Variants in ENAH observed in about 807,000 individuals in gnomAD.
The protein encoded by ENAH is ENAH actin regulator.
Under a neutral mutation model 78.7 loss-of-function variants are expected in ENAH, and 23 were observed. That is an observed-to-expected ratio of 0.29 (90% CI 0.21 to 0.41). ENAH has a LOEUF of 0.41. Ranked by LOEUF, ENAH falls within the 10% of genes least tolerant of loss-of-function variation. The probability of loss-of-function intolerance (pLI) is 1.00; values close to 1 mark genes in which losing one functional copy is unlikely to be tolerated. For missense variants in ENAH, 544 were observed against 691.0 expected (o/e 0.79, Z 2.39); for synonymous variants, 226 against 241.0 (o/e 0.94, Z 0.58).
At chr1:225,553,382 C>T (rs2096651007) in intron 3 of ENAH, among the ~76,000 whole-genome samples, 1 of 152,012 alleles carries the variant, frequency 6.6e-6, no homozygotes, top group African/African-American at 2.4e-5. Context: ...AAAAAAGGAA[C>T]ATTTAGTTTC....
At chr1:225,572,019 C>T (rs1421766965) in intron 1 of ENAH, among the ~76,000 whole-genome samples, 1 of 152,124 alleles carries the variant, frequency 6.6e-6, no homozygotes, top group Non-Finnish European at 1.5e-5. Flanking sequence ...TCAGGAACCT[C>T]AGTATTTGCA....
intron 1 of ENAH, among the ~76,000 whole-genome samples, chr1:225,580,912 C>CAAAAAAAAAAAAAAAA (rs78529288): frequency 1.6e-5 from 1 of 63,868 alleles, no homozygotes; most frequent in African/African-American, 5.5e-5. Flanking sequence ...AGAAAAAAAC[C>CAAAAAAAAAAAAAAAA]AAAAAAAAAA....
chr1:225,625,347 T>A lies in ENAH; in HGVS notation c.5+27339A>T, dbSNP rs188002223. ...AATTTTTAAAAAACTGCTCAGAGAC[T>A]TTGCAAGAAATGAGATGTTGTCTTA... On this transcript the variant is annotated intron_variant, in intron 1 of 13. Transcript: ENST00000366843. Among the ~76,000 whole-genome samples, 10 of 152,296 alleles carry A rather than the reference T, an allele frequency of 6.6e-5. No individual in the cohort carries two copies. In the East Asian group the frequency reaches 1.9e-3, roughly 29 times the overall value.
At chr1:225,584,804 C>T (rs1055182668) in intron 1 of ENAH, among the ~76,000 whole-genome samples, 3 of 152,138 alleles carry the variant, frequency 2.0e-5, no homozygotes, top group Non-Finnish European at 4.4e-5. Context: ...AGAATTGACA[C>T]ATTAGTATCA....
rs1393345767 is a variant in ENAH at position 225,495,766 on chromosome 1, A to G, written c.*2009T>C. ...TGCCTCCTATTTCTTTTAGAAAATAATACTTAATAAGCTTGCTGCATCTTT... is the reference window on the plus strand; with the variant it reads ...TGCCTCCTATTTCTTTTAGAAAATAGTACTTAATAAGCTTGCTGCATCTTT... On this transcript the variant is annotated 3_prime_UTR_variant, in exon 14 of 14. Coordinates refer to ENST00000366843, the MANE Select transcript of ENAH (RefSeq NM_018212.6). 1 of 152,592 alleles carries G rather than the reference A, an allele frequency of 6.6e-6. No homozygotes were observed. Among genetic ancestry groups the G allele is most frequent in the Non-Finnish European group, 1.5e-5 (1 of 68,016 alleles). 9.5% of individuals were successfully genotyped at this position (152,592 alleles called of 1,614,324 possible). A position where few individuals can be genotyped will look rare whatever the true frequency, so the allele number is the denominator to read the frequency against.
intron 5 of ENAH, chr1:225,518,986 A>C (rs551275289): frequency 1.4e-6 from 1 of 738,882 alleles, no homozygotes; most frequent in Non-Finnish European, 2.0e-6. Flanking sequence ...AATTTCCAAG[A>C]GCTTTCTTTA....
Position 225,491,425 on chromosome 1 carries a change from G to C in ENAH, c.*6350C>G, listed in dbSNP as rs1338848303. ...CCCAAAGTGCTGGGATTACAGGCGT[G>C]AGCCACCATGCCCGGCCATGAAACA... On this transcript the variant is annotated 3_prime_UTR_variant, in exon 14 of 14. Coordinates refer to ENST00000366843, the MANE Select transcript of ENAH (RefSeq NM_018212.6). 1 of 151,316 alleles carries C rather than the reference G, an allele frequency of 6.6e-6. No homozygotes were observed. The highest frequency in any genetic ancestry group is 1.5e-5 in the Non-Finnish European group (1 of 67,970). 9.4% of individuals were successfully genotyped at this position (151,316 alleles called of 1,614,324 possible).
intron 3 of ENAH, among the ~76,000 whole-genome samples, chr1:225,535,825 ATT>A (rs2096559027): frequency 6.6e-6 from 1 of 151,900 alleles, no homozygotes; most frequent in Non-Finnish European, 1.5e-5. Flanking sequence ...TAACTTAGTT[ATT>A]TCCTAAGTTA....
chr1:225,571,536 T>C (rs1227416181), intron 1 of ENAH, among the ~76,000 whole-genome samples: 1 of 152,046 alleles, frequency 6.6e-6, no homozygotes, highest in African/African-American at 2.4e-5. Context: ...AAAGTGTCTT[T>C]GGTATACTAA....
chr1:225,535,632 C>T, intron 3 of ENAH: 1 of 818,392 alleles, frequency 1.2e-6, no homozygotes, highest in Non-Finnish European at 1.8e-6. Context: ...TTCACATAAA[C>T]TAAAAGGTGC....
Position 225,517,147 on chromosome 1 carries a change from A to G in ENAH, c.913+49T>C, listed in dbSNP as rs974955948. ...TTCAGGCAATTAAAGTCACTGCTAT[A>G]TAACATTTTCAAGTGATTAGCTGTT... On this transcript the variant is annotated intron_variant, in intron 6 of 13. Coordinates refer to ENST00000366843, the MANE Select transcript of ENAH (RefSeq NM_018212.6). 4.9e-6 allele frequency: 7 copies of G among 1,438,806 alleles called. No individual in the cohort carries two copies. The African/African-American group carries it at 7.2e-5, about 15-fold the overall frequency. 89.1% of individuals were successfully genotyped at this position (1,438,806 alleles called of 1,614,324 possible).
At chr1:225,639,150 C>T (rs958842785) in intron 1 of ENAH, among the ~76,000 whole-genome samples, 2 of 152,094 alleles carry the variant, frequency 1.3e-5, no homozygotes, top group Non-Finnish European at 2.9e-5. Flanking sequence ...ATGATGAAAA[C>T]TCTTTACAAA....
chr1:225,553,279 C>T (rs1558802310), intron 3 of ENAH, among the ~76,000 whole-genome samples: 1 of 152,066 alleles, frequency 6.6e-6, no homozygotes, highest in East Asian at 1.9e-4. Context: ...AACCATATGA[C>T]TACTCATTGA....
chr1:225,652,118 C>G (rs1208952908), intron 1 of ENAH, among the ~76,000 whole-genome samples: 1 of 151,956 alleles, frequency 6.6e-6, no homozygotes, highest in African/African-American at 2.4e-5. Context: ...CTGCCCCCAC[C>G]ACGTGAACCT....
intron 1 of ENAH, among the ~76,000 whole-genome samples, chr1:225,613,451 G>A (rs770626126): frequency 2.6e-5 from 4 of 152,140 alleles, no homozygotes; most frequent in South Asian, 2.1e-4. Context: ...ATAAATATTT[G>A]TGAAGATAAT....
intron 9 of ENAH, 127 bp downstream of exon 9, chr1:225,512,530 T>C (rs2096385418): frequency 1.1e-6 from 1 of 951,942 alleles, no homozygotes; most frequent in Non-Finnish European, 1.5e-6. Flanking sequence ...CATGCATAGT[T>C]AAAAATTAGC....
Position 225,588,469 on chromosome 1 carries a change from TC to T in ENAH, c.6-21056del, listed in dbSNP as rs1337483340. ...GGCTAAAACATGGTTTAACCCTAACTCCCACACAGCAATGGTGAGAGTATAA... is the reference window on the plus strand; with the variant it reads ...GGCTAAAACATGGTTTAACCCTAACTCCACACAGCAATGGTGAGAGTATAA... On this transcript the variant is annotated intron_variant, in intron 1 of 13. Coordinates refer to ENST00000366843, the MANE Select transcript of ENAH (RefSeq NM_018212.6). Among the ~76,000 whole-genome samples the T allele has an allele frequency of 2.0e-5, 3 of 152,144 alleles. No individual in the cohort carries two copies. In the East Asian group the frequency reaches 5.8e-4, roughly 29 times the overall value.
chr1:225,647,093 G>A (rs1233096289), intron 1 of ENAH, among the ~76,000 whole-genome samples: 1 of 152,106 alleles, frequency 6.6e-6, no homozygotes, highest in East Asian at 1.9e-4. Flanking sequence ...GGGCGTGGTG[G>A]CACGCGCCTG....
chr1:225,652,594 C>A, intron 1 of ENAH, 92 bp downstream of exon 1: 1 of 1,191,352 alleles, frequency 8.4e-7, no homozygotes, highest in Non-Finnish European at 1.1e-6. Flanking sequence ...ACGCGCCGGG[C>A]CGGGAGAGGG....
Sources: allele counts gnomAD v4.1 joint callset (sites outside exome capture counted in the v4.1 genomes callset), GRCh38; gene constraint gnomAD v4.1.1; transcripts MANE v1.5; gene names NCBI Gene and HGNC (gene_info 2026-07-23, HGNC 2026-07-21).